ADCK2: variants seen among roughly 807,000 people sequenced by gnomAD.
ADCK2 encodes the protein aarF domain containing kinase 2, also known as uncharacterized aarF domain-containing protein kinase 2.
In ADCK2, 37 loss-of-function variants were observed where a neutral mutation model predicts 52.3. The observed-to-expected ratio is 0.71, with a 90% CI of 0.54 to 0.93. ADCK2 has a LOEUF of 0.93. Ranked by LOEUF, ADCK2 falls within the 40% of genes least tolerant of loss-of-function variation. ADCK2 has a pLI of 0.00. For missense variants in ADCK2, 695 were observed against 798.7 expected (o/e 0.87, Z 1.56); for synonymous variants, 321 against 349.2 (o/e 0.92, Z 0.90).
intron 4 of ADCK2, among the ~76,000 whole-genome samples, chr7:140,684,535 A>G (rs1419871416): frequency 6.6e-6 from 1 of 152,162 alleles, no homozygotes; most frequent in Non-Finnish European, 1.5e-5. Flanking sequence ...AGGGAAGAAG[A>G]ATACCCAGGT....
In ADCK2 at chr7:140,674,366, C is replaced by A; in HGVS notation, c.933+103C>A. The A allele has an allele frequency of 7.7e-7, 1 of 1,295,128 alleles. No individual in the cohort carries two copies. Among genetic ancestry groups the A allele is most frequent in the Non-Finnish European group, 1.0e-6 (1 of 954,092 alleles). The allele number at this position is 1,295,128 out of a possible 1,614,324, so 80.2% of individuals were successfully genotyped here. A position where few individuals can be genotyped will look rare whatever the true frequency, so the allele number is the denominator to read the frequency against. On this transcript the variant is annotated intron_variant, in intron 1 of 7. Coordinates refer to ENST00000072869, the MANE Select transcript of ADCK2 (RefSeq NM_052853.4). The surrounding 1 kb of genome is among the most constrained non-coding windows in gnomAD (Gnocchi z 4.6). ...CCCACGTTTATTTCTATTTGCCTGA[C>A]CAATATCTGAGTGCTTATTTCATGC...
At chr7:140,683,548 C>T (rs1425868803) in intron 4 of ADCK2, among the ~76,000 whole-genome samples, 4 of 152,160 alleles carry the variant, frequency 2.6e-5, no homozygotes, top group African/African-American at 9.7e-5. Flanking sequence ...CCTGGGTTTC[C>T]ATCTCCTAAG....
At position 140,673,361 on chromosome 7, in the gene ADCK2, G is replaced by T; in HGVS notation, c.31G>T (p.Val11Phe). The T allele has an allele frequency of 6.7e-7, 1 of 1,492,838 alleles. No homozygotes were observed. Among genetic ancestry groups the T allele is most frequent in the Non-Finnish European group, 8.9e-7 (1 of 1,120,288 alleles). The allele number at this position is 1,492,838 out of a possible 1,614,324, so 92.5% of individuals were successfully genotyped here. A position where few individuals can be genotyped will look rare whatever the true frequency, so the allele number is the denominator to read the frequency against. The change falls in exon 1 of 8, where the codon GTT becomes TTT. Residue 11 changes from valine to phenylalanine, a missense_variant. Transcript: ENST00000072869. This position sits in a 1 kb window ranked among gnomAD's most constrained non-coding sequence, Gnocchi z 6.4. MVAPWRVSVR[V>F]CLSHLRCFEL... ...GGCGCCCTGGCGCGTCTCCGTCAGG[G>T]TTTGCCTGTCGCACCTGAGGTGCTT...
chr7:140,674,799 G>C lies in ADCK2; in HGVS notation c.1080+42G>C. On this transcript the variant is annotated intron_variant, in intron 2 of 7. Coordinates refer to ENST00000072869, the MANE Select transcript of ADCK2 (RefSeq NM_052853.4). This position sits in a 1 kb window ranked among gnomAD's most constrained non-coding sequence, Gnocchi z 4.6. ...TCAGCTGTAAATAGCACCTAACATAGTTCTTGCCATTAGCTGCTACTTAGT... is the reference window on the plus strand; with the variant it reads ...TCAGCTGTAAATAGCACCTAACATACTTCTTGCCATTAGCTGCTACTTAGT... 6.3e-7 allele frequency: 1 copy of C among 1,587,084 alleles called. No individual in the cohort carries two copies. Among genetic ancestry groups the C allele is most frequent in the South Asian group, 1.1e-5 (1 of 88,130 alleles).
intron 5 of ADCK2, 31 bp downstream of exon 5, chr7:140,687,272 GT>G (rs1343901831): frequency 6.6e-7 from 1 of 1,519,942 alleles, no homozygotes; most frequent in Admixed American, 2.1e-5. Context: ...AGAAGTTGGG[GT>G]GAATTTTTTT....
chr7:140,686,255 C>T (rs993516240), intron 4 of ADCK2, among the ~76,000 whole-genome samples: 2 of 152,068 alleles, frequency 1.3e-5, no homozygotes, highest in Admixed American at 1.3e-4. Context: ...TGGCCTTAGA[C>T]TTTTTATTTT....
At chr7:140,687,726 GA>G (rs1272586299) in intron 5 of ADCK2, among the ~76,000 whole-genome samples, 1 of 149,846 alleles carries the variant, frequency 6.7e-6, no homozygotes, top group African/African-American at 2.4e-5. Flanking sequence ...AAAAAAAAAA[GA>G]AAAAGCCAGG....
At position 140,674,168 on chromosome 7, in the gene ADCK2, A is replaced by G. The variant is rs752984644; in HGVS notation, c.838A>G (p.Lys280Glu). 4.3e-6 allele frequency: 7 copies of G among 1,613,876 alleles called. No individual in the cohort carries two copies. Among genetic ancestry groups the G allele is most frequent in the Admixed American group, 3.3e-5 (2 of 59,988 alleles). ...QSFLERLLLPKADLVGSNAGV... is the reference protein window; with the variant it reads ...QSFLERLLLPEADLVGSNAGV... ...GTTTCTAGAAAGGCTGCTCCTCCCT[A>G]AAGCTGACCTGGTTGGATCAAATGC... Residue 280 changes from lysine to glutamate, a missense_variant, in exon 1 of 8, where the codon AAA becomes GAA. By Grantham distance (56) the Lys-to-Glu change is moderately conservative. Transcript: ENST00000072869. This position sits in a 1 kb window ranked among gnomAD's most constrained non-coding sequence, Gnocchi z 4.6.
chr7:140,681,224 GGAAGGAGAGC>G, intron 4 of ADCK2, 87 bp downstream of exon 4: 2 of 1,312,884 alleles, frequency 1.5e-6, no homozygotes, highest in Non-Finnish European at 2.2e-6. Flanking sequence ...TATCTGGGTG[GGAAGGAGAGC>G]GAAGCAGCAA....
In ADCK2 at chr7:140,674,713, T is replaced by G. The variant is rs1468230677; in HGVS notation, c.1036T>G (p.Leu346Val). The part of the protein sequence containing the change: ...GVLPGIKWLS[L>V]PEIVEEFEKL... The stretch of plus-strand genomic sequence containing the variant: ...TTTGCCAGGCATCAAGTGGCTTAGC[T>G]TGCCTGAGATTGTGGAGGAATTTGA... The change falls in exon 2 of 8, where the codon TTG becomes GTG. Residue 346 changes from leucine (L) to valine (V), a missense_variant. Transcript: ENST00000072869. This position sits in a 1 kb window ranked among gnomAD's most constrained non-coding sequence, Gnocchi z 4.6. 6.2e-7 allele frequency: 1 copy of G among 1,614,034 alleles called. No individual in the cohort carries two copies. The highest frequency in any genetic ancestry group is 1.3e-5 in the African/African-American group (1 of 74,906).
chr7:140,673,427 T>G lies in ADCK2; in HGVS notation c.97T>G (p.Cys33Gly), dbSNP rs1801666980. ...QGLSLLRPSE[C>G]PRDARLCWLL... is the part of the protein sequence containing the mutation. ...ACTCAGCCTCCTGAGGCCCTCCGAG[T>G]GCCCTCGCGATGCCAGGCTCTGCTG... The change falls in exon 1 of 8, where the codon TGC (cysteine) becomes GGC (glycine). Residue 33 changes from cysteine to glycine, a missense_variant. Cys to Gly is a radical substitution (Grantham distance 159). Transcript: ENST00000072869. The surrounding 1 kb of genome is among the most constrained non-coding windows in gnomAD (Gnocchi z 6.4). The G allele has an allele frequency of 1.2e-6, 2 of 1,602,058 alleles. No homozygotes were observed. Among genetic ancestry groups the G allele is most frequent in the Non-Finnish European group, 1.7e-6 (2 of 1,174,576 alleles).
intron 6 of ADCK2, among the ~76,000 whole-genome samples, chr7:140,689,947 A>G (rs1794676259): frequency 6.6e-6 from 1 of 152,260 alleles, no homozygotes; most frequent in Non-Finnish European, 1.5e-5. Context: ...CTCCTTCCTC[A>G]TCCAGGGGTC....
chr7:140,683,962 G>T (rs1794561907), intron 4 of ADCK2, among the ~76,000 whole-genome samples: 1 of 152,182 alleles, frequency 6.6e-6, no homozygotes, highest in Non-Finnish European at 1.5e-5. Context: ...ATTGTTCTCT[G>T]CTGGGAGTAG....
rs1794776114 is a variant in ADCK2, at chr7:140,695,013, T to C, written c.*210T>C. 3 of 1,294,860 alleles carry C rather than the reference T, an allele frequency of 2.3e-6. No individual in the cohort carries two copies. Among genetic ancestry groups the C allele is most frequent in the Non-Finnish European group, 2.9e-6 (3 of 1,023,736 alleles). The allele number at this position is 1,294,860 out of a possible 1,614,324, so 80.2% of individuals were successfully genotyped here. A position where few individuals can be genotyped will look rare whatever the true frequency, so the allele number is the denominator to read the frequency against. ...AGGGAGTAAAAGGAGGGAAGGGGCC[T>C]ATCCATTCCATTGTGGAAGCTGGGC... On this transcript the variant is annotated 3_prime_UTR_variant, in exon 8 of 8. Transcript: ENST00000072869.
At position 140,673,583 on chromosome 7, in the gene ADCK2, C is replaced by T. The variant is rs748675495; in HGVS notation, c.253C>T (p.Pro85Ser). 3 of 1,605,104 alleles carry T rather than the reference C, an allele frequency of 1.9e-6. No homozygotes were observed. Among genetic ancestry groups the T allele is most frequent in the Middle Eastern group, 1.7e-4 (1 of 6,054 alleles). ...AAGAGPAESL[P>S]RAGPLGGVFL... ...TGGCGCGGGGCCCGCGGAGAGCCTC[C>T]CCCGAGCGGGACCTCTGGGCGGCGT... The change falls in exon 1 of 8, where the codon CCC becomes TCC. Residue 85 changes from proline (P) to serine (S), a missense_variant. By Grantham distance (74) the Pro-to-Ser change is moderately conservative (BLOSUM62 -1). Coordinates refer to ENST00000072869, the MANE Select transcript of ADCK2 (RefSeq NM_052853.4). The surrounding 1 kb of genome is among the most constrained non-coding windows in gnomAD (Gnocchi z 6.4).
rs779460972 is a variant in ADCK2 at position 140,678,233 on chromosome 7, C to T, written c.1081-922C>T. ...GATGGCATTGGGCCATTGCTGTGCA[C>T]GGAGGGGAAGAGAGAAGGCATGATC... On this transcript the variant is annotated intron_variant, in intron 2 of 7. Transcript: ENST00000072869. The surrounding 1 kb of genome is among the most constrained non-coding windows in gnomAD (Gnocchi z 4.9). Among the ~76,000 whole-genome samples the T allele has an allele frequency of 7.2e-5, 11 of 152,102 alleles. No individual in the cohort carries two copies. Among genetic ancestry groups the T allele is most frequent in the South Asian group, 4.2e-4 (2 of 4,814 alleles).
chr7:140,689,844 A>T, intron 6 of ADCK2, 119 bp downstream of exon 6: 1 of 1,238,482 alleles, frequency 8.1e-7, no homozygotes. Context: ...GCAGAAAAAG[A>T]ACCACCCCAC....
Position 140,674,446 on chromosome 7 carries a change from A to G in ADCK2, c.934-165A>G. The G allele has an allele frequency of 8.9e-7, 1 of 1,118,540 alleles. No individual in the cohort carries two copies. Among genetic ancestry groups the G allele is most frequent in the South Asian group, 1.7e-5 (1 of 60,236 alleles). 69.3% of individuals were successfully genotyped at this position (1,118,540 alleles called of 1,614,324 possible). ...CGGTGTGAATAGTCTGATAGAGGAA[A>G]ATGAACTGAGTCTGGAGTGAACTAA... On this transcript the variant is annotated intron_variant, in intron 1 of 7. Transcript: ENST00000072869. This position sits in a 1 kb window ranked among gnomAD's most constrained non-coding sequence, Gnocchi z 4.6.
At chr7:140,684,954 G>A (rs957548700) in intron 4 of ADCK2, among the ~76,000 whole-genome samples, 1 of 152,090 alleles carries the variant, frequency 6.6e-6, no homozygotes, top group Non-Finnish European at 1.5e-5. Context: ...ATGTAGCCAG[G>A]GGAGAAGCAC....
Sources: allele counts gnomAD v4.1 joint callset (sites outside exome capture counted in the v4.1 genomes callset), GRCh38; gene constraint gnomAD v4.1.1; non-coding constraint Gnocchi (gnomAD v3.1); transcripts MANE v1.5; gene names NCBI Gene and HGNC (gene_info 2026-07-23, HGNC 2026-07-21).